The following CD200 variants were observed in gnomAD, a reference collection of about 807,000 sequenced individuals.
CD200 encodes OX-2 membrane glycoprotein.
A neutral mutation model predicts 30.9 loss-of-function variants in CD200; 15 were observed. That is an observed-to-expected ratio of 0.49 (90% CI 0.32 to 0.75). The LOEUF is 0.75. Among genes scored for constraint, CD200 ranks in the 30% least tolerant of loss-of-function variants. CD200 has a pLI of 0.03. For synonymous variants in CD200, 134 were observed against 126.2 expected (o/e 1.06, Z -0.41); for missense variants, 262 against 324.2 (o/e 0.81, Z 1.47).
upstream of CD200, chr3:112,333,144 C>T (rs562958590): frequency 8.7e-5 from 134 of 1,544,750 alleles, no homozygotes; most frequent in Admixed American, 1.2e-4. Flanking sequence ...ACGCTCCTCC[C>T]GCCTGCCTAG....
chr3:112,353,594 G>C (rs2081575782), intron 5 of CD200, among the ~76,000 whole-genome samples: 2 of 152,000 alleles, frequency 1.3e-5, no homozygotes, highest in Non-Finnish European at 2.9e-5. Flanking sequence ...CCTATTTTAA[G>C]CTTAATACTT....
chr3:112,354,022 T>A (rs2081584392), intron 5 of CD200, among the ~76,000 whole-genome samples: 1 of 152,216 alleles, frequency 6.6e-6, no homozygotes, highest in Admixed American at 6.5e-5. Flanking sequence ...AAATTTTGGG[T>A]GATTTACCTA....
chr3:112,342,382 T>C (rs986404988), intron 2 of CD200, among the ~76,000 whole-genome samples: 186 of 51,888 alleles, frequency 3.6e-3, no homozygotes, highest in African/African-American at 6.3e-3. Flanking sequence ...TCTTTCTTTC[T>C]TTCTTTCTTT....
intron 1 of CD200, among the ~76,000 whole-genome samples, chr3:112,339,600 A>G (rs1219867875): frequency 6.6e-6 from 1 of 152,128 alleles, no homozygotes; most frequent in Admixed American, 6.5e-5. Context: ...AAAAAATAAT[A>G]CCTGTGTCTC....
chr3:112,352,403 TC>T (rs2081549417), intron 5 of CD200, among the ~76,000 whole-genome samples: 1 of 152,204 alleles, frequency 6.6e-6, no homozygotes, highest in Admixed American at 6.5e-5. Context: ...TTTCTCTTTT[TC>T]TTTCCATCAT....
At chr3:112,346,321 T>G (rs2081392428) in intron 3 of CD200, among the ~76,000 whole-genome samples, 1 of 152,008 alleles carries the variant, frequency 6.6e-6, no homozygotes, top group Non-Finnish European at 1.5e-5. Context: ...TGTCATATTT[T>G]TCTCATTTCT....
In CD200 at chr3:112,347,758, G is replaced by A. The variant is rs200152694; in HGVS notation, c.622G>A (p.Val208Met). 1.5e-5 allele frequency: 24 copies of A among 1,613,816 alleles called. No individual in the cohort carries two copies. The highest frequency in any genetic ancestry group is 1.4e-4 in the South Asian group (13 of 91,090). The change falls in exon 4 of 6, where the codon GTG (valine) becomes ATG (methionine). Residue 208 changes from valine (V) to methionine (M), a missense_variant. Transcript: ENST00000315711. ...CCATATCAAAGACCCTAAGAATCAG[G>A]TGGGGAAGGAGGTGATCTGCCAGGT... ...ILHIKDPKNQ[V>M]GKEVICQVLH...
At chr3:112,354,207 G>A (rs775584004) in intron 5 of CD200, among the ~76,000 whole-genome samples, 1 of 152,058 alleles carries the variant, frequency 6.6e-6, no homozygotes, top group African/African-American at 2.4e-5. Flanking sequence ...ACATCTCTAG[G>A]AATCAAGACA....
At chr3:112,335,944 C>A (rs1347183970) in intron 1 of CD200, 1 of 1,608,526 alleles carries the variant, frequency 6.2e-7, no homozygotes, top group Non-Finnish European at 8.5e-7. Context: ...AAACCACAGA[C>A]TCTGACCAGG....
chr3:112,334,857 C>T (rs1412832167), intron 1 of CD200, among the ~76,000 whole-genome samples: 1 of 152,128 alleles, frequency 6.6e-6, no homozygotes, highest in African/African-American at 2.4e-5. Flanking sequence ...TTGCTGGCTC[C>T]CAGTCCACAA....
intron 1 of CD200, 117 bp downstream of exon 1, chr3:112,333,341 C>T: frequency 6.8e-7 from 1 of 1,463,202 alleles, no homozygotes; most frequent in Non-Finnish European, 9.0e-7. Context: ...CAATCTGGTC[C>T]GGGGACTAGA....
chr3:112,358,062 C>T (rs2081661262), intron 5 of CD200, among the ~76,000 whole-genome samples: 1 of 152,144 alleles, frequency 6.6e-6, no homozygotes, highest in Non-Finnish European at 1.5e-5. Context: ...CATCCCAGAG[C>T]AGGGGGCATT....
chr3:112,344,878 T>G, intron 2 of CD200, 84 bp from the exon 3 acceptor site: 1 of 1,034,170 alleles, frequency 9.7e-7, no homozygotes. Flanking sequence ...TATTTGACAT[T>G]GAATATACAT....
At chr3:112,339,995 T>C (rs1020723554) in intron 1 of CD200, among the ~76,000 whole-genome samples, 2 of 152,206 alleles carry the variant, frequency 1.3e-5, no homozygotes, top group African/African-American at 2.4e-5. Context: ...AGAGACCGAA[T>C]TGACAGAGAT....
intron 1 of CD200, chr3:112,333,936 T>G (rs564989316): frequency 8.1e-4 from 801 of 983,786 alleles, no homozygotes; most frequent in Non-Finnish European, 9.5e-4. Flanking sequence ...TATATCCCAT[T>G]GGTATATGAA....
In CD200 at chr3:112,349,681, A is replaced by T. The variant is rs111598684; in HGVS notation, c.695-31A>T. 23 of 1,581,502 alleles carry T rather than the reference A, an allele frequency of 1.5e-5. 1 individual carries two copies. The highest frequency in any genetic ancestry group is 8.2e-5 in the African/African-American group (6 of 73,406). On this transcript the variant is annotated intron_variant, in intron 4 of 5. Transcript: ENST00000315711. ...CTCAACAATTTCCTCATGTGATGTCATTTTCCTTTTTCTTTCTTCAATATC... is the reference window on the plus strand; with the variant it reads ...CTCAACAATTTCCTCATGTGATGTCTTTTTCCTTTTTCTTTCTTCAATATC...
At chr3:112,352,927 C>T (rs530590342) in intron 5 of CD200, among the ~76,000 whole-genome samples, 71 of 152,290 alleles carry the variant, frequency 4.7e-4, no homozygotes, top group African/African-American at 1.6e-3. Context: ...CATTTTTCTG[C>T]ACCACTCCTG....
At chr3:112,346,115 C>T (rs1038268847) in intron 3 of CD200, among the ~76,000 whole-genome samples, 2 of 152,098 alleles carry the variant, frequency 1.3e-5, no homozygotes, top group Non-Finnish European at 2.9e-5. Context: ...GGAGATAGGA[C>T]AATGCCAAAA....
intron 1 of CD200, chr3:112,335,865 C>A: frequency 1.0e-6 from 1 of 998,708 alleles, no homozygotes; most frequent in Non-Finnish European, 1.6e-6. Context: ...CAACCACCTC[C>A]AGGGTACAAG....
Sources: allele counts gnomAD v4.1 joint callset (sites outside exome capture counted in the v4.1 genomes callset), GRCh38; gene constraint gnomAD v4.1.1; transcripts MANE v1.5; gene names NCBI Gene and HGNC (gene_info 2026-07-23, HGNC 2026-07-21).